NUP205: variants seen among roughly 807,000 people sequenced by gnomAD.
NUP205 encodes nucleoporin 205, also known as nuclear pore complex protein Nup205.
A neutral mutation model predicts 253.8 loss-of-function variants in NUP205; 76 were observed. The ratio of observed to expected loss-of-function variants is 0.30; its 90% CI spans 0.25 to 0.36. The LOEUF (loss-of-function observed/expected upper bound fraction) is 0.36. NUP205 is among the 10% of genes least tolerant of loss of function. NUP205 has a pLI of 1.00. For synonymous variants in NUP205, 832 were observed against 850.1 expected (o/e 0.98, Z 0.37); for missense variants, 2,162 against 2,425.5 (o/e 0.89, Z 2.28).
chr7:135,634,366 A>C (rs1012684904), intron 35 of NUP205, among the ~76,000 whole-genome samples: 4 of 152,224 alleles, frequency 2.6e-5, no homozygotes, highest in Admixed American at 2.0e-4. Flanking sequence ...GTTGACATGC[A>C]GGGGAAAGTG....
At chr7:135,599,310 G>A (rs12530671) in intron 15 of NUP205, among the ~76,000 whole-genome samples, 5,154 of 152,018 alleles carry the variant, frequency 0.034, 113 homozygotes, top group Middle Eastern at 0.1. Flanking sequence ...CCTGTCATTG[G>A]ATATAGCTTG....
At position 135,606,206 on chromosome 7, in the gene NUP205, A is replaced by G. The variant is rs200376279; in HGVS notation, c.2885A>G (p.Glu962Gly). Residue 962 changes from glutamate (E) to glycine (G), a missense_variant, in exon 20 of 43, where the codon GAA becomes GGA. By Grantham distance (98) the Glu-to-Gly change is moderately conservative (BLOSUM62 -2). Transcript: ENST00000285968. ...TGTTTGGATTGTGAAGATGCAGAAG[A>G]ATTTGTACGTCTGGAAGAGGGTATG... ...VECLDCEDAE[E>G]FVRLEEGSEL... The G allele has an allele frequency of 1.2e-5, 20 of 1,611,372 alleles. No individual in the cohort carries two copies. Among genetic ancestry groups the G allele is most frequent in the Non-Finnish European group, 1.7e-5 (20 of 1,177,790 alleles).
At chr7:135,639,157 G>A (rs1794872183) in intron 38 of NUP205, among the ~76,000 whole-genome samples, 1 of 151,872 alleles carries the variant, frequency 6.6e-6, no homozygotes, top group Non-Finnish European at 1.5e-5. Context: ...TTTGAATATG[G>A]GGCAGGATAA....
rs77234319 is a variant in NUP205 at position 135,635,042 on chromosome 7, G to T, written c.5060-539G>T. ...GGGAGAATGACATGTTATGGTCACT[G>T]GCAGGCTCATTAGAAATCAGGAGAG... On this transcript the variant is annotated intron_variant, in intron 35 of 42. Transcript: ENST00000285968. Among the ~76,000 whole-genome samples, 850 of 152,282 alleles carry T rather than the reference G, an allele frequency of 5.6e-3. 14 individuals are homozygous for T. The highest frequency in any genetic ancestry group is 0.051 in the East Asian group (265 of 5,174).
At chr7:135,588,342 TG>T (rs1806530253) in intron 10 of NUP205, among the ~76,000 whole-genome samples, 1 of 150,970 alleles carries the variant, frequency 6.6e-6, no homozygotes, top group African/African-American at 2.4e-5. Flanking sequence ...GGTTTTGCCA[TG>T]ATACCCAGGC....
At chr7:135,644,837 T>C (rs1794976939) in intron 39 of NUP205, 58 bp from the exon 40 acceptor site, 2 of 1,566,018 alleles carry the variant, frequency 1.3e-6, no homozygotes, top group African/African-American at 1.4e-5. Context: ...ATAGTAGTTT[T>C]TCATTAAAAA....
Position 135,626,953 on chromosome 7 carries a change from A to G in NUP205, c.4793+592A>G, listed in dbSNP as rs189434118. ...TTTAGTAATTGTTTTAAAAGGATCT[A>G]TTAGCAACTTGAATGTTTGGATTTT... is the stretch of plus-strand genomic sequence containing the variant. On this transcript the variant is annotated intron_variant, in intron 33 of 42. Coordinates refer to ENST00000285968, the MANE Select transcript of NUP205 (RefSeq NM_015135.3). Among the ~76,000 whole-genome samples the G allele has an allele frequency of 3.1e-3, 473 of 152,328 alleles. 2 individuals are homozygous for G. Among genetic ancestry groups the G allele is most frequent in the Middle Eastern group, 0.01 (3 of 294 alleles).
intron 39 of NUP205, among the ~76,000 whole-genome samples, chr7:135,644,561 A>G (rs908362433): frequency 6.6e-6 from 1 of 152,150 alleles, no homozygotes; most frequent in Non-Finnish European, 1.5e-5. Flanking sequence ...GAAATTCTCC[A>G]TGGGATTGTT....
chr7:135,582,491 G>A (rs1157060661), intron 7 of NUP205, among the ~76,000 whole-genome samples: 5 of 152,024 alleles, frequency 3.3e-5, no homozygotes, highest in Admixed American at 1.3e-4. Context: ...AGATAAGCAC[G>A]TTTTTGTTTG....
Position 135,625,222 on chromosome 7 carries a change from T to G in NUP205, c.4538T>G (p.Leu1513Arg), listed in dbSNP as rs1483458845. 1.2e-6 allele frequency: 2 copies of G among 1,614,066 alleles called. No homozygotes were observed. The highest frequency in any genetic ancestry group is 8.5e-7 in the Non-Finnish European group (1 of 1,179,998). ...IVSVDKQQQW[L>R]LYLSNSGYLK... ...TCCGTGGATAAACAGCAGCAGTGGC[T>G]TTTGTATCTTTCTAACAGTGGCTAC... The change falls in exon 32 of 43, where the codon CTT (leucine) becomes CGT (arginine). Residue 1513 changes from leucine (L) to arginine (R), a missense_variant. Transcript: ENST00000285968.
chr7:135,566,256 G>A (rs1584634054), intron 1 of NUP205, among the ~76,000 whole-genome samples: 1 of 151,988 alleles, frequency 6.6e-6, no homozygotes, highest in Admixed American at 6.6e-5. Context: ...TTACAGGTGT[G>A]CATCATTGCA....
At chr7:135,572,658 C>A (rs1368778090) in intron 2 of NUP205, among the ~76,000 whole-genome samples, 1 of 152,198 alleles carries the variant, frequency 6.6e-6, no homozygotes, top group Non-Finnish European at 1.5e-5. Flanking sequence ...CTCCCGTGTT[C>A]AAGCAATCCT....
chr7:135,622,444 A>G (rs1311911075), intron 30 of NUP205, among the ~76,000 whole-genome samples: 1 of 151,856 alleles, frequency 6.6e-6, no homozygotes, highest in Non-Finnish European at 1.5e-5. Context: ...AAGGAAAAAA[A>G]AAAAGACTGA....
chr7:135,606,044 ATTT>A (rs1794079641), intron 19 of NUP205, 98 bp from the exon 20 acceptor site: 2 of 805,686 alleles, frequency 2.5e-6, no homozygotes, highest in Admixed American at 4.3e-5. Flanking sequence ...AGGTTTGCCT[ATTT>A]TTCCTTATGG....
At chr7:135,640,484 T>A (rs1455777094) in intron 38 of NUP205, among the ~76,000 whole-genome samples, 1 of 152,238 alleles carries the variant, frequency 6.6e-6, no homozygotes, top group African/African-American at 2.4e-5. Flanking sequence ...GATTTCTTCC[T>A]GCCTTTGATT....
intron 1 of NUP205, among the ~76,000 whole-genome samples, chr7:135,562,081 C>T (rs924994486): frequency 6.6e-6 from 1 of 152,070 alleles, no homozygotes; most frequent in African/African-American, 2.4e-5. Flanking sequence ...GCCCAGCCTA[C>T]TGACTCCCTT....
intron 1 of NUP205, among the ~76,000 whole-genome samples, chr7:135,562,747 G>A (rs538874969): frequency 4.3e-4 from 66 of 151,772 alleles, no homozygotes; most frequent in Non-Finnish European, 6.6e-4. Context: ...GGGTTTCACC[G>A]TGTTGGCCAG....
chr7:135,618,251 G>A (rs1021186953), intron 27 of NUP205, among the ~76,000 whole-genome samples, 161 bp from the exon 28 acceptor site: 6 of 152,122 alleles, frequency 3.9e-5, no homozygotes, highest in African/African-American at 1.4e-4. Context: ...CACCTTATAT[G>A]TTAATATTTT....
chr7:135,617,021 C>T (rs1359194885), intron 25 of NUP205, 69 bp from the exon 26 acceptor site: 5 of 1,173,686 alleles, frequency 4.3e-6, no homozygotes, highest in Non-Finnish European at 6.0e-6. Flanking sequence ...TGAAAATCAA[C>T]TGAATATGAT....
Sources: gnomAD v4.1 joint callset for allele counts (sites outside exome capture counted in the v4.1 genomes callset) on GRCh38, gnomAD v4.1.1 for gene constraint, MANE v1.5 for transcripts, NCBI Gene and HGNC (gene_info 2026-07-23, HGNC 2026-07-21) for gene names.